SMAD3: variants seen among roughly 807,000 people sequenced by gnomAD.
The protein encoded by SMAD3 is SMAD family member 3.
SMAD3 carries 12 observed loss-of-function variants against 51.8 expected under a neutral mutation model. That is an observed-to-expected ratio of 0.23 (90% CI 0.15 to 0.38). The LOEUF is 0.38. Ranked by LOEUF, SMAD3 falls within the 10% of genes least tolerant of loss-of-function variation. SMAD3 has a pLI of 1.00. For synonymous variants in SMAD3, 238 were observed against 227.7 expected, an observed-to-expected ratio of 1.05 and a Z score of -0.41; for missense variants, 294 against 565.6, an observed-to-expected ratio of 0.52 and a Z score of 4.87.
At chr15:67,155,262 C>T (rs1962252081) in intron 1 of SMAD3, among the ~76,000 whole-genome samples, 1 of 152,176 alleles carries the variant, frequency 6.6e-6, no homozygotes, top group Non-Finnish European at 1.5e-5. Context: ...GGGGACTGGG[C>T]TCATAACTCC....
chr15:67,149,444 T>C (rs1962067798), intron 1 of SMAD3, among the ~76,000 whole-genome samples: 1 of 152,148 alleles, frequency 6.6e-6, no homozygotes, highest in Non-Finnish European at 1.5e-5. Context: ...TTGTTCCTGA[T>C]TGTAGCTGTT....
rs541441780 is a variant in SMAD3 at position 67,157,029 on chromosome 15, A to T, written c.207-7866A>T. Among the ~76,000 whole-genome samples, 42 of 152,346 alleles carry T rather than the reference A, an allele frequency of 2.8e-4. No individual in the cohort carries two copies. In the Middle Eastern group the frequency reaches 0.024, roughly 86 times the overall value. Reference sequence around the variant, plus strand: ...GTGTGGCTGCAGAGAGGGGTGACTAATTCACTCTGTCACAGTCATCAAGTG... The same window carrying T: ...GTGTGGCTGCAGAGAGGGGTGACTATTTCACTCTGTCACAGTCATCAAGTG... On this transcript the variant is annotated intron_variant, in intron 1 of 8. Coordinates refer to ENST00000327367, the MANE Select transcript of SMAD3 (RefSeq NM_005902.4).
At chr15:67,185,170 G>A (rs1963190359) in intron 7 of SMAD3, among the ~76,000 whole-genome samples, 2 of 152,214 alleles carry the variant, frequency 1.3e-5, no homozygotes, top group Admixed American at 1.3e-4. Flanking sequence ...CAAACAGCAT[G>A]CAGGGCTCTG....
At chr15:67,179,411 TC>T (rs1490150111) in intron 5 of SMAD3, among the ~76,000 whole-genome samples, 1 of 152,036 alleles carries the variant, frequency 6.6e-6, no homozygotes, top group Non-Finnish European at 1.5e-5. Flanking sequence ...CTGCAGATCC[TC>T]CCTCCCACCC....
intron 1 of SMAD3, among the ~76,000 whole-genome samples, chr15:67,121,985 C>A (rs945105224): frequency 1.8e-4 from 28 of 152,220 alleles, no homozygotes; most frequent in African/African-American, 6.5e-4. Flanking sequence ...AATACAATTA[C>A]AAATGCTGTC....
chr15:67,186,997 G>A (rs751825413), intron 7 of SMAD3: 24 of 465,384 alleles, frequency 5.2e-5, no homozygotes, highest in African/African-American at 4.5e-4. Context: ...TTATCTCTCT[G>A]TCCCCTGGTC....
Sources: gnomAD v4.1 joint callset for allele counts (sites outside exome capture counted in the v4.1 genomes callset) on GRCh38, gnomAD v4.1.1 for gene constraint, MANE v1.5 for transcripts, NCBI Gene and HGNC (gene_info 2026-07-23, HGNC 2026-07-21) for gene names.